The following NAV3 variants were observed in gnomAD, a reference collection of about 807,000 sequenced individuals.
NAV3 encodes pore membrane and/or filament interacting like protein 1.
Under a neutral mutation model 244.7 loss-of-function variants are expected in NAV3, and 87 were observed. The observed-to-expected ratio is 0.36, with a 90% CI of 0.30 to 0.42. The LOEUF (loss-of-function observed/expected upper bound fraction) is 0.42, where lower values mean the gene tolerates loss of function less well. Ranked by LOEUF, NAV3 falls within the 20% of genes least tolerant of loss-of-function variation. The probability of loss-of-function intolerance (pLI) is 1.00; values close to 1 mark genes in which losing one functional copy is unlikely to be tolerated. For missense variants in NAV3, 2,663 were observed against 2,893.3 expected, an observed-to-expected ratio of 0.92 and a Z score of 1.83; for synonymous variants, 1,126 against 1,042.2, an observed-to-expected ratio of 1.08 and a Z score of -1.55.
chr12:78,056,077 A>C (rs1883459663), intron 11 of NAV3: 1 of 152,196 alleles, frequency 6.6e-6, no homozygotes, highest in African/African-American at 2.4e-5. Context: ...ACAAGTAAAA[A>C]TACCTCAAAT....
intron 9 of NAV3, 108 bp from the exon 10 acceptor site, chr12:78,049,885 T>G (rs1335414088): frequency 4.6e-6 from 3 of 653,462 alleles, no homozygotes; most frequent in East Asian, 2.8e-5. Flanking sequence ...TGAAATGTAT[T>G]ACATATCCTT....
At chr12:77,885,541 C>T (rs781561441) in intron 1 of NAV3, among the ~76,000 whole-genome samples, 2 of 152,078 alleles carry the variant, frequency 1.3e-5, no homozygotes, top group Non-Finnish European at 2.9e-5. Flanking sequence ...TTGCTTTTTA[C>T]AGGTTGTATC....
At chr12:77,682,385 T>C (rs1874513778) in intron 2 of NAV3, among the ~76,000 whole-genome samples, 1 of 152,218 alleles carries the variant, frequency 6.6e-6, no homozygotes, top group African/African-American at 2.4e-5. Context: ...TATTACATTT[T>C]CTTTATTTGT....
intron 12 of NAV3, among the ~76,000 whole-genome samples, chr12:78,074,736 A>G (rs1952957578): frequency 6.6e-6 from 1 of 152,174 alleles, no homozygotes. Context: ...ATATGAAGAT[A>G]TGACGCAAGA....
At chr12:78,139,762 AG>A in intron 19 of NAV3, among the ~76,000 whole-genome samples, 1 of 152,320 alleles carries the variant, frequency 6.6e-6, no homozygotes. Context: ...AAATTAGTAA[AG>A]GAACAGTAAT....
At chr12:77,871,258 G>C (rs956903676) in intron 1 of NAV3, among the ~76,000 whole-genome samples, 5 of 152,030 alleles carry the variant, frequency 3.3e-5, no homozygotes, top group Non-Finnish European at 7.4e-5. Flanking sequence ...AAAAAAATTA[G>C]TAAAAGATTG....
intron 2 of NAV3, among the ~76,000 whole-genome samples, chr12:77,821,996 T>C (rs1020940571): frequency 3.9e-5 from 6 of 152,186 alleles, no homozygotes; most frequent in Non-Finnish European, 7.4e-5. Context: ...TTTAATGGAA[T>C]AGTTGTCCTT....
intron 23 of NAV3, among the ~76,000 whole-genome samples, chr12:78,164,730 GT>G (rs1565746837): frequency 6.6e-6 from 1 of 152,050 alleles, no homozygotes; most frequent in African/African-American, 2.4e-5. Context: ...GCATGGTGGA[GT>G]GGGGAAAGGA....
At chr12:77,811,022 T>A (rs1872262183) in intron 2 of NAV3, among the ~76,000 whole-genome samples, 1 of 152,150 alleles carries the variant, frequency 6.6e-6, no homozygotes, top group Non-Finnish European at 1.5e-5. Context: ...ATAAAGAAAT[T>A]TAACTTTTAA....
In NAV3 at chr12:78,111,917, A is replaced by G. The variant is rs1955112174; in HGVS notation, c.2637-4855A>G. 5.9e-5 allele frequency among the ~76,000 whole-genome samples: 9 copies of G among 152,332 alleles called. No individual in the cohort carries two copies. In the South Asian group the frequency reaches 1.9e-3, roughly 32 times the overall value. ...ACATGTACAAATATAAGAAAGATAT[A>G]GTAAAGAAATATATATTTCTAAATT... is the stretch of plus-strand genomic sequence containing the variant. On this transcript the variant is annotated intron_variant, in intron 12 of 39. Transcript: ENST00000397909.
chr12:78,166,056 T>C (rs1315867942), intron 23 of NAV3, among the ~76,000 whole-genome samples: 3 of 151,546 alleles, frequency 2.0e-5, no homozygotes, highest in Admixed American at 6.6e-5. Context: ...GACCAGAATA[T>C]TTCAACAAAG....
rs145616600 is a variant in NAV3, at chr12:78,064,864, G to A, written c.2636+5749G>A. Among the ~76,000 whole-genome samples the A allele has an allele frequency of 5.1e-3, 774 of 152,076 alleles. 7 individuals are homozygous for A. The highest frequency in any genetic ancestry group is 0.017 in the African/African-American group (695 of 41,454). ...TGTAAATTGCTGCCTTTGGAAATGC[G>A]TAAATGTGGAAAAGAGAGCCAGGGA... On this transcript the variant is annotated intron_variant, in intron 12 of 39. Coordinates refer to ENST00000397909, the MANE Select transcript of NAV3 (RefSeq NM_001024383.2).
At chr12:77,674,320 A>G (rs17044081) in intron 2 of NAV3, among the ~76,000 whole-genome samples, 2,557 of 152,160 alleles carry the variant, frequency 0.017, 75 homozygotes, top group African/African-American at 0.058. Context: ...TCTGAATTCT[A>G]CCCACATGTT....
intron 5 of NAV3, among the ~76,000 whole-genome samples, chr12:77,975,260 T>A (rs907811431): frequency 3.9e-5 from 6 of 152,198 alleles, no homozygotes; most frequent in African/African-American, 7.2e-5. Context: ...TCCACCCTCA[T>A]TAATTGATTC....
chr12:78,113,480 C>A (rs1955208402), intron 12 of NAV3, among the ~76,000 whole-genome samples: 1 of 152,202 alleles, frequency 6.6e-6, no homozygotes, highest in Admixed American at 6.5e-5. Flanking sequence ...GACTTCTCTG[C>A]AAATGTAGGC....
intron 8 of NAV3, among the ~76,000 whole-genome samples, chr12:78,019,121 G>T (rs1364679959): frequency 6.6e-6 from 1 of 152,072 alleles, no homozygotes; most frequent in African/African-American, 2.4e-5. Context: ...CAATTATTTT[G>T]CAAGGCAGGC....
intron 1 of NAV3, among the ~76,000 whole-genome samples, chr12:77,849,035 A>G (rs1018899824): frequency 3.3e-5 from 5 of 152,134 alleles, no homozygotes; most frequent in Non-Finnish European, 5.9e-5. Flanking sequence ...TTGGTGGCTA[A>G]TCCTTCATAG....
At chr12:78,091,782 C>A (rs1209937554) in intron 12 of NAV3, 1 of 86,178 alleles carries the variant, frequency 1.2e-5, no homozygotes, top group South Asian at 4.2e-4. Context: ...GGCGACAGAG[C>A]GAGACTCCGT....
intron 2 of NAV3, among the ~76,000 whole-genome samples, chr12:77,652,677 T>A (rs1464531853): frequency 6.6e-6 from 1 of 152,198 alleles, no homozygotes; most frequent in African/African-American, 2.4e-5. Flanking sequence ...AATCCTTGAT[T>A]TTGGAAAAGG....
Sources: gnomAD v4.1 joint callset for allele counts (sites outside exome capture counted in the v4.1 genomes callset) on GRCh38, gnomAD v4.1.1 for gene constraint, MANE v1.5 for transcripts, NCBI Gene and HGNC (gene_info 2026-07-23, HGNC 2026-07-21) for gene names.